CAST: variants seen among roughly 807,000 people sequenced by gnomAD.
CAST encodes MIR583 host.
A neutral mutation model predicts 119.6 loss-of-function variants in CAST; 76 were observed. The observed-to-expected ratio is 0.64, with a 90% CI of 0.53 to 0.77. The LOEUF (loss-of-function observed/expected upper bound fraction) is 0.77, where lower values mean the gene tolerates loss of function less well. CAST is among the 30% of genes least tolerant of loss of function. CAST has a pLI of 0.00. For missense variants in CAST, 953 were observed against 946.5 expected, an observed-to-expected ratio of 1.01 and a Z score of -0.09; for synonymous variants, 319 against 331.6, an observed-to-expected ratio of 0.96 and a Z score of 0.41.
the CAST span, among the ~76,000 whole-genome samples, chr5:95,995,768 T>G: frequency 6.6e-6 from 1 of 152,054 alleles, no homozygotes; most frequent in Non-Finnish European, 1.5e-5. Flanking sequence ...GGGGTTAGAA[T>G]TTGTGTTGTG....
chr5:96,644,267 G>T (rs370695423), intron 1 of CAST, among the ~76,000 whole-genome samples: 2 of 152,272 alleles, frequency 1.3e-5, no homozygotes, highest in South Asian at 2.1e-4. Flanking sequence ...TACAGTGAAA[G>T]TCTGTCATTT....
chr5:96,199,985 T>C, the CAST span, among the ~76,000 whole-genome samples: 1 of 152,156 alleles, frequency 6.6e-6, no homozygotes, highest in African/African-American at 2.4e-5. Context: ...TTACTGTTAC[T>C]ATTGTTCTTG....
intron 3 of CAST, among the ~76,000 whole-genome samples, chr5:96,696,701 T>TAAAAAAAAAAAAAAA (rs1561483071): frequency 2.0e-5 from 1 of 49,982 alleles, no homozygotes; most frequent in African/African-American, 6.1e-5. Flanking sequence ...AAAAAAAAAT[T>TAAAAAAAAAAAAAAA]AAAAATTAGC....
the CAST span, among the ~76,000 whole-genome samples, chr5:95,971,966 T>TC: frequency 6.6e-6 from 1 of 151,376 alleles, no homozygotes; most frequent in African/African-American, 2.4e-5. Flanking sequence ...ATTTCTTTTT[T>TC]TTTTTTTTTT....
the CAST span, among the ~76,000 whole-genome samples, chr5:96,200,241 G>A: frequency 2.6e-5 from 4 of 152,068 alleles, no homozygotes; most frequent in African/African-American, 4.8e-5. Context: ...TATAAGGATA[G>A]GATGTCAAAG....
At chr5:96,724,134 G>A (rs1480397518) in intron 4 of CAST, among the ~76,000 whole-genome samples, 1 of 151,982 alleles carries the variant, frequency 6.6e-6, no homozygotes, top group Non-Finnish European at 1.5e-5. Flanking sequence ...TATAATTAAT[G>A]TTAGCTGTCT....
At chr5:96,381,954 A>G in the CAST span, among the ~76,000 whole-genome samples, 1 of 152,232 alleles carries the variant, frequency 6.6e-6, no homozygotes, top group South Asian at 2.1e-4. Context: ...CAGTGCTTCA[A>G]CTGATGGCAT....
chr5:96,101,972 T>C, the CAST span, among the ~76,000 whole-genome samples: 2 of 152,278 alleles, frequency 1.3e-5, no homozygotes, highest in South Asian at 4.1e-4. Flanking sequence ...GTGAGCCCTG[T>C]GGCACCCAGG....
chr5:96,532,940 G>A (rs1745717258), intron 1 of CAST, among the ~76,000 whole-genome samples: 1 of 151,800 alleles, frequency 6.6e-6, no homozygotes, highest in Non-Finnish European at 1.5e-5. Flanking sequence ...TGGGAGGATT[G>A]CTTGAGCCTG....
At chr5:96,341,159 T>C in the CAST span, among the ~76,000 whole-genome samples, 1 of 152,188 alleles carries the variant, frequency 6.6e-6, no homozygotes, top group African/African-American at 2.4e-5. Flanking sequence ...TCAGAAGGAA[T>C]TATTTGCACT....
chr5:96,189,181 G>A, the CAST span, among the ~76,000 whole-genome samples: 2 of 152,090 alleles, frequency 1.3e-5, no homozygotes, highest in African/African-American at 4.8e-5. Context: ...TTTTTCCACT[G>A]TTTCCTATAT....
chr5:96,452,340 C>G, the CAST span, among the ~76,000 whole-genome samples: 2 of 152,010 alleles, frequency 1.3e-5, no homozygotes, highest in African/African-American at 2.4e-5. Context: ...TGTCCTTTTT[C>G]ACGGACATGG....
At chr5:96,611,203 C>G (rs768209127) in intron 1 of CAST, among the ~76,000 whole-genome samples, 18 of 151,924 alleles carry the variant, frequency 1.2e-4, no homozygotes, top group Non-Finnish European at 1.9e-4. Context: ...TAATCCTAAA[C>G]AAAAAGAACA....
chr5:96,213,603 G>A, the CAST span: 1 of 152,120 alleles, frequency 6.6e-6, no homozygotes, highest in Non-Finnish European at 1.5e-5. Context: ...GGGCAATGTA[G>A]TGAGATCCTG....
chr5:96,195,017 T>A, the CAST span, among the ~76,000 whole-genome samples: 1 of 152,254 alleles, frequency 6.6e-6, no homozygotes, highest in Non-Finnish European at 1.5e-5. Flanking sequence ...AGGAAAAGAC[T>A]TGTGGGGGAC....
chr5:96,228,823 A>T, the CAST span, among the ~76,000 whole-genome samples: 89 of 152,306 alleles, frequency 5.8e-4, no homozygotes, highest in East Asian at 2.9e-3. Context: ...AAATTATATC[A>T]AAATAGAAAA....
the CAST span, among the ~76,000 whole-genome samples, chr5:96,479,742 C>T: frequency 6.6e-6 from 1 of 152,084 alleles, no homozygotes; most frequent in African/African-American, 2.4e-5. Context: ...GCCATGGCAC[C>T]CGGCTGGCAC....
the CAST span, among the ~76,000 whole-genome samples, chr5:96,046,309 A>G: frequency 6.6e-6 from 1 of 152,150 alleles, no homozygotes; most frequent in Non-Finnish European, 1.5e-5. Context: ...TGAATAAAAG[A>G]AAGAAATAGA....
chr5:96,491,097 A>T, the CAST span, among the ~76,000 whole-genome samples: 1 of 152,068 alleles, frequency 6.6e-6, no homozygotes, highest in Non-Finnish European at 1.5e-5. Flanking sequence ...TACAAAAGAG[A>T]ATATCGAAAC....
Sources: allele counts gnomAD v4.1 joint callset (sites outside exome capture counted in the v4.1 genomes callset), GRCh38; gene constraint gnomAD v4.1.1; transcripts MANE v1.5; gene names NCBI Gene and HGNC (gene_info 2026-07-23, HGNC 2026-07-21).